ERC1: variants seen among roughly 807,000 people sequenced by gnomAD.
The protein encoded by ERC1 is ELKS/RAB6-interacting/CAST family member 1, also known as RAB6 interacting protein 2.
A neutral mutation model predicts 132.0 loss-of-function variants in ERC1; 56 were observed. That is an observed-to-expected ratio of 0.42 (90% confidence interval 0.34 to 0.53). The LOEUF is 0.53. Ranked by LOEUF, ERC1 falls within the 20% of genes least tolerant of loss-of-function variation. The pLI is 0.03. For missense variants in ERC1, 1,202 were observed against 1,349.9 expected, an observed-to-expected ratio of 0.89 and a Z score of 1.72; for synonymous variants, 478 against 476.1, an observed-to-expected ratio of 1.00 and a Z score of -0.05.
intron 12 of ERC1, among the ~76,000 whole-genome samples, chr12:1,216,613 G>GATGGGGGGCGGGGGGGAGGA (rs1378071965): frequency 7.3e-6 from 1 of 137,778 alleles, no homozygotes; most frequent in Non-Finnish European, 1.6e-5. Context: ...GGGGAGGAGG[G>GATGGGGGGCGGGGGGGAGGA]ATGGGGGGTG....
chr12:1,297,769 ATTT>A (rs1455878756), intron 15 of ERC1, among the ~76,000 whole-genome samples: 1 of 151,768 alleles, frequency 6.6e-6, no homozygotes, highest in Non-Finnish European at 1.5e-5. Context: ...TAGAAAATGT[ATTT>A]TTTCTTCTCA....
At chr12:1,198,860 G>C (rs1295749367) in intron 12 of ERC1, among the ~76,000 whole-genome samples, 1 of 152,140 alleles carries the variant, frequency 6.6e-6, no homozygotes, top group African/African-American at 2.4e-5. Context: ...AGCACTAGGG[G>C]GATGGTGCTA....
chr12:1,139,547 G>A (rs190875342), intron 7 of ERC1, among the ~76,000 whole-genome samples: 1 of 152,266 alleles, frequency 6.6e-6, no homozygotes, highest in African/African-American at 2.4e-5. Context: ...GTTTGATACT[G>A]TCTGTGGTTT....
chr12:1,005,212 T>G (rs1963345947), intron 1 of ERC1, among the ~76,000 whole-genome samples: 1 of 152,066 alleles, frequency 6.6e-6, no homozygotes, highest in South Asian at 2.1e-4. Flanking sequence ...AGTGCGGCAG[T>G]GCTATCATGG....
In ERC1 at chr12:1,444,556, C is replaced by A; in HGVS notation, c.3025-6C>A. ...TATTTTATTTTATTTTATTTTTTTG[C>A]CTTAGATCATCCAGCCCCTCTTAGA... On this transcript the variant is annotated splice_region_variant and splice_polypyrimidine_tract_variant and intron_variant, in intron 17 of 18. Transcript: ENST00000360905. 6.3e-7 allele frequency: 1 copy of A among 1,581,584 alleles called. No individual in the cohort carries two copies. The highest frequency in any genetic ancestry group is 8.6e-7 in the Non-Finnish European group (1 of 1,161,158).
chr12:1,448,767 A>G (rs2093362313), intron 18 of ERC1, among the ~76,000 whole-genome samples: 1 of 152,252 alleles, frequency 6.6e-6, no homozygotes, highest in South Asian at 2.1e-4. Context: ...ATGCAGGGTC[A>G]GAGCCCCTAC....
chr12:1,276,638 GTC>G (rs2078295189), intron 14 of ERC1, among the ~76,000 whole-genome samples: 1 of 151,806 alleles, frequency 6.6e-6, no homozygotes, highest in African/African-American at 2.4e-5. Context: ...TTAAGAGACT[GTC>G]TCCATTTTGT....
At chr12:1,246,163 A>C (rs1361437158) in intron 13 of ERC1, among the ~76,000 whole-genome samples, 1 of 152,196 alleles carries the variant, frequency 6.6e-6, no homozygotes, top group East Asian at 1.9e-4. Context: ...ATGCATATAC[A>C]TGTCCAAAAA....
At chr12:1,072,565 A>G (rs1275258464) in intron 2 of ERC1, among the ~76,000 whole-genome samples, 1 of 148,004 alleles carries the variant, frequency 6.8e-6, no homozygotes, top group African/African-American at 2.4e-5. Context: ...GGAAAATATT[A>G]AGGGTTTGTG....
intron 8 of ERC1, among the ~76,000 whole-genome samples, chr12:1,178,491 A>T (rs372114555): frequency 6.8e-4 from 103 of 151,944 alleles, no homozygotes; most frequent in African/African-American, 2.2e-3. Context: ...AATGATTGAT[A>T]GATAGAGGAA....
chr12:1,141,595 A>G, intron 7 of ERC1, 25 bp from the exon 8 acceptor site: 1 of 1,565,962 alleles, frequency 6.4e-7, no homozygotes, highest in East Asian at 2.3e-5. Context: ...TTAATTCATC[A>G]CTTGTAAAAC....
At chr12:1,345,216 T>G (rs911329842) in intron 15 of ERC1, among the ~76,000 whole-genome samples, 1 of 124,018 alleles carries the variant, frequency 8.1e-6, no homozygotes. Context: ...AGTCTCACTC[T>G]GTCGCCCAGG....
chr12:1,393,493 T>G (rs774482999), intron 16 of ERC1, among the ~76,000 whole-genome samples: 1 of 152,126 alleles, frequency 6.6e-6, no homozygotes, highest in African/African-American at 2.4e-5. Flanking sequence ...ATGATTGTGC[T>G]ACTGCACTCC....
intron 2 of ERC1, among the ~76,000 whole-genome samples, chr12:1,075,281 C>T (rs1046748269): frequency 6.6e-6 from 1 of 152,148 alleles, no homozygotes; most frequent in Non-Finnish European, 1.5e-5. Context: ...TAATAGCCTA[C>T]TGTTGACCAG....
intron 15 of ERC1, among the ~76,000 whole-genome samples, chr12:1,326,112 G>C (rs2082427750): frequency 6.6e-6 from 1 of 152,150 alleles, no homozygotes; most frequent in East Asian, 1.9e-4. Flanking sequence ...ATGAAAGAAT[G>C]CCAGGAACTT....
chr12:1,109,632 A>G (rs1191035601), intron 4 of ERC1, among the ~76,000 whole-genome samples: 1 of 152,250 alleles, frequency 6.6e-6, no homozygotes, highest in Admixed American at 6.5e-5. Flanking sequence ...TCAGTAATTT[A>G]GTAATTATTT....
Position 1,490,288 on chromosome 12 carries a change from C to T in ERC1, c.*58C>T, listed in dbSNP as rs1224095002. The T allele has an allele frequency of 7.7e-6, 12 of 1,565,126 alleles. No individual in the cohort carries two copies. Among genetic ancestry groups the T allele is most frequent in the Admixed American group, 7.2e-5 (4 of 55,278 alleles). ...CCCAGGAGCCAAGAAAAGAGAACTACGAGGAACAGGTGCCCGGAACCTTCT... is the reference window on the plus strand; with the variant it reads ...CCCAGGAGCCAAGAAAAGAGAACTATGAGGAACAGGTGCCCGGAACCTTCT... On this transcript the variant is annotated 3_prime_UTR_variant, in exon 19 of 19. Transcript: ENST00000360905.
intron 15 of ERC1, among the ~76,000 whole-genome samples, chr12:1,337,956 C>G (rs988788513): frequency 1.3e-5 from 2 of 152,158 alleles, no homozygotes; most frequent in African/African-American, 4.8e-5. Flanking sequence ...TACCCTCTAG[C>G]TGCCTTTAAC....
In ERC1 at chr12:1,494,100, G is replaced by A. The variant is rs959257819; in HGVS notation, c.*3870G>A. 8.6e-6 allele frequency: 2 copies of A among 231,730 alleles called. No homozygotes were observed. The highest frequency in any genetic ancestry group is 5.7e-5 in the Admixed American group (1 of 17,692). 14.4% of individuals were successfully genotyped at this position (231,730 alleles called of 1,614,324 possible). Reference sequence around the variant, plus strand: ...AGGAAAGAGCCAAGCAGAGAAGACCGCTGCGTGGAGTGTGACACCACATGG... The same window carrying A: ...AGGAAAGAGCCAAGCAGAGAAGACCACTGCGTGGAGTGTGACACCACATGG... On this transcript the variant is annotated 3_prime_UTR_variant, in exon 19 of 19. Transcript: ENST00000360905.
Sources: allele counts gnomAD v4.1 joint callset (sites outside exome capture counted in the v4.1 genomes callset), GRCh38; gene constraint gnomAD v4.1.1; transcripts MANE v1.5; gene names NCBI Gene and HGNC (gene_info 2026-07-23, HGNC 2026-07-21).